MAGI2: variants seen among roughly 807,000 people sequenced by gnomAD.
MAGI2 encodes membrane-associated guanylate kinase, WW and PDZ domain-containing protein 2.
A neutral mutation model predicts 133.3 loss-of-function variants in MAGI2; 35 were observed. That is an observed-to-expected ratio of 0.26 (90% CI 0.20 to 0.35). The LOEUF is 0.35. Ranked by LOEUF, MAGI2 falls within the 10% of genes least tolerant of loss-of-function variation. MAGI2 has a pLI of 1.00. For missense variants in MAGI2, 1,636 were observed against 1,863.4 expected, an observed-to-expected ratio of 0.88 and a Z score of 2.25; for synonymous variants, 729 against 710.6, an observed-to-expected ratio of 1.03 and a Z score of -0.41.
intron 1 of MAGI2, among the ~76,000 whole-genome samples, chr7:79,419,708 A>T (rs926891124): frequency 2.0e-5 from 3 of 152,094 alleles, no homozygotes; most frequent in Non-Finnish European, 2.9e-5. Flanking sequence ...CCCTATTCCC[A>T]TTAAGCATGG....
chr7:79,053,468 T>C (rs1246793405), intron 1 of MAGI2, among the ~76,000 whole-genome samples: 4 of 152,160 alleles, frequency 2.6e-5, no homozygotes, highest in Admixed American at 2.6e-4. Context: ...AGTACTACAT[T>C]TCCACTGTCC....
At chr7:79,374,796 A>G (rs927190499) in intron 1 of MAGI2, among the ~76,000 whole-genome samples, 11 of 151,952 alleles carry the variant, frequency 7.2e-5, no homozygotes, top group Admixed American at 2.0e-4. Flanking sequence ...ACTCAGCAGT[A>G]TATTTAGCCT....
chr7:79,085,932 G>A (rs940157654), intron 1 of MAGI2, among the ~76,000 whole-genome samples: 2 of 152,032 alleles, frequency 1.3e-5, no homozygotes, highest in African/African-American at 4.8e-5. Flanking sequence ...CTTACACAGA[G>A]CCTAAGGTGT....
chr7:78,241,379 A>G (rs1791119843), intron 10 of MAGI2, among the ~76,000 whole-genome samples: 1 of 152,172 alleles, frequency 6.6e-6, no homozygotes, highest in Non-Finnish European at 1.5e-5. Context: ...GTGCATCAAT[A>G]TCCCCATTTG....
At chr7:78,386,677 G>A (rs1226673811) in intron 6 of MAGI2, among the ~76,000 whole-genome samples, 1 of 152,116 alleles carries the variant, frequency 6.6e-6, no homozygotes, top group Non-Finnish European at 1.5e-5. Flanking sequence ...TGTACCTCTG[G>A]TAACAACTGG....
chr7:78,416,353 T>C (rs1467053795), intron 6 of MAGI2, among the ~76,000 whole-genome samples: 1 of 151,980 alleles, frequency 6.6e-6, no homozygotes, highest in Non-Finnish European at 1.5e-5. Flanking sequence ...TTGGTTTAGG[T>C]TTACATACTA....
chr7:78,645,109 T>C (rs1019894122), intron 2 of MAGI2, among the ~76,000 whole-genome samples: 18 of 150,786 alleles, frequency 1.2e-4, no homozygotes, highest in Non-Finnish European at 4.4e-5. Context: ...TATATGTGTG[T>C]GCGTGTGTGT....
chr7:78,945,333 T>A (rs1397927834), intron 2 of MAGI2, among the ~76,000 whole-genome samples: 1 of 152,182 alleles, frequency 6.6e-6, no homozygotes, highest in African/African-American at 2.4e-5. Flanking sequence ...AAGTGCTGGA[T>A]TACAGGTGTG....
chr7:78,222,716 A>G (rs781380351), intron 10 of MAGI2, among the ~76,000 whole-genome samples: 2 of 152,198 alleles, frequency 1.3e-5, no homozygotes, highest in African/African-American at 2.4e-5. Flanking sequence ...TGTAGAGTCC[A>G]AGCTTTGCCA....
chr7:78,454,105 G>A (rs7790881), intron 6 of MAGI2, among the ~76,000 whole-genome samples: 49,786 of 151,946 alleles, frequency 0.33, 10,494 homozygotes, highest in African/African-American at 0.61. Flanking sequence ...CCATGTGCCC[G>A]AAACTGACCT....
intron 2 of MAGI2, among the ~76,000 whole-genome samples, chr7:78,975,026 T>C (rs1295758153): frequency 6.6e-6 from 1 of 151,594 alleles, no homozygotes; most frequent in Non-Finnish European, 1.5e-5. Context: ...CATCAAAATA[T>C]ATGAGACAAA....
At chr7:79,288,663 C>T (rs935863406) in intron 1 of MAGI2, among the ~76,000 whole-genome samples, 16 of 152,066 alleles carry the variant, frequency 1.1e-4, no homozygotes, top group South Asian at 6.2e-4. Flanking sequence ...ACCAGGACGT[C>T]ATTCAGATCT....
chr7:78,213,295 C>T (rs1787948372), intron 10 of MAGI2, among the ~76,000 whole-genome samples: 1 of 152,182 alleles, frequency 6.6e-6, no homozygotes, highest in South Asian at 2.1e-4. Context: ...ATCAGATTTG[C>T]ATCTTGACAG....
At chr7:79,287,042 T>C (rs12540324) in intron 1 of MAGI2, among the ~76,000 whole-genome samples, 93,676 of 151,886 alleles carry the variant, frequency 0.62, 30,218 homozygotes, top group Non-Finnish European at 0.7. Context: ...TCCTTAATCA[T>C]GGCTGGCAGA....
chr7:79,038,487 G>T (rs1227463718), intron 1 of MAGI2, among the ~76,000 whole-genome samples: 1 of 152,002 alleles, frequency 6.6e-6, no homozygotes, highest in East Asian at 1.9e-4. Context: ...TCTGTTATGA[G>T]CCAGTAGACT....
At chr7:78,357,063 G>A (rs1792161119) in intron 7 of MAGI2, among the ~76,000 whole-genome samples, 2 of 152,220 alleles carry the variant, frequency 1.3e-5, no homozygotes, top group Non-Finnish European at 2.9e-5. Flanking sequence ...TATAGAAAAT[G>A]TTTAAAGATG....
At chr7:78,639,141 A>G (rs915000309) in intron 2 of MAGI2, among the ~76,000 whole-genome samples, 1 of 152,172 alleles carries the variant, frequency 6.6e-6, no homozygotes. Context: ...GAATCTTGCA[A>G]TGACATTAAC....
At chr7:78,883,534 T>A (rs771195059) in intron 2 of MAGI2, among the ~76,000 whole-genome samples, 2 of 152,214 alleles carry the variant, frequency 1.3e-5, no homozygotes, top group South Asian at 4.1e-4. Flanking sequence ...AAAATTCATA[T>A]AGAACCAAAA....
chr7:78,669,078 A>G (rs1253707663), intron 2 of MAGI2, among the ~76,000 whole-genome samples: 1 of 152,186 alleles, frequency 6.6e-6, no homozygotes, highest in Non-Finnish European at 1.5e-5. Flanking sequence ...ATCCGAGCAG[A>G]ACTGAAGCAA....
Sources: allele counts gnomAD v4.1 joint callset (sites outside exome capture counted in the v4.1 genomes callset), GRCh38; gene constraint gnomAD v4.1.1; transcripts MANE v1.5; gene names NCBI Gene and HGNC (gene_info 2026-07-23, HGNC 2026-07-21).